The following COL25A1 variants were observed in gnomAD, a reference collection of about 807,000 sequenced individuals.
The protein encoded by COL25A1 is collagen alpha-1(XXV) chain.
A neutral mutation model predicts 128.4 loss-of-function variants in COL25A1; 103 were observed. The ratio of observed to expected loss-of-function variants is 0.80; its 90% confidence interval spans 0.68 to 0.94. The LOEUF is 0.94. Among genes scored for constraint, COL25A1 ranks in the 40% least tolerant of loss-of-function variants. COL25A1 has a pLI of 0.00. For missense variants in COL25A1, 745 were observed against 840.0 expected (o/e 0.89, Z 1.40); for synonymous variants, 279 against 277.2 (o/e 1.01, Z -0.06).
intron 3 of COL25A1, among the ~76,000 whole-genome samples, chr4:109,198,380 A>G (rs149048065): frequency 2.0e-5 from 3 of 152,190 alleles, no homozygotes; most frequent in African/African-American, 4.8e-5. Flanking sequence ...ACCGATGTTC[A>G]GAACACACTC....
At chr4:108,961,627 T>TTCTGTTCTGTTCTGTTC (rs1553984670) in intron 8 of COL25A1, among the ~76,000 whole-genome samples, 2 of 149,222 alleles carry the variant, frequency 1.3e-5, no homozygotes, top group Admixed American at 6.8e-5. Flanking sequence ...TTCTGTTCTG[T>TTCTGTTCTGTTCTGTTC]TGTTGTGTTG....
chr4:108,948,756 G>T (rs1015720051), intron 8 of COL25A1, among the ~76,000 whole-genome samples: 4 of 152,092 alleles, frequency 2.6e-5, no homozygotes, highest in African/African-American at 9.7e-5. Flanking sequence ...GGAAGAGAAA[G>T]AAAACAATGC....
At chr4:109,212,418 G>T (rs1485052968) in intron 3 of COL25A1, among the ~76,000 whole-genome samples, 1 of 152,136 alleles carries the variant, frequency 6.6e-6, no homozygotes, top group Non-Finnish European at 1.5e-5. Context: ...TAGAGGCTGA[G>T]TTCCAAAAGG....
In COL25A1 at chr4:109,054,979, G is replaced by A. The variant is rs182962647; in HGVS notation, c.368-4800C>T. Among the ~76,000 whole-genome samples, 4 of 152,276 alleles carry A rather than the reference G, an allele frequency of 2.6e-5. No individual in the cohort carries two copies. In the East Asian group the frequency reaches 5.8e-4, roughly 22 times the overall value. On this transcript the variant is annotated intron_variant, in intron 3 of 37. Coordinates refer to ENST00000399132, the MANE Select transcript of COL25A1 (RefSeq NM_198721.4). ...AGGGAGACAGCGGATCATCCTTTCT[G>A]AACCAACCTCCCCCATCCTCCAGCT...
intron 3 of COL25A1, among the ~76,000 whole-genome samples, chr4:109,210,237 T>C (rs534735993): frequency 1.3e-5 from 2 of 152,230 alleles, no homozygotes; most frequent in South Asian, 2.1e-4. Context: ...AATTGCAATA[T>C]GGTTGTCAAA....
intron 30 of COL25A1, among the ~76,000 whole-genome samples, chr4:108,842,480 C>T (rs1734561959): frequency 6.6e-6 from 1 of 152,114 alleles, no homozygotes; most frequent in Non-Finnish European, 1.5e-5. Flanking sequence ...TGCTGTAAAC[C>T]TTTCAAGTGA....
chr4:109,019,179 C>G (rs1757470342), intron 5 of COL25A1, among the ~76,000 whole-genome samples: 1 of 151,826 alleles, frequency 6.6e-6, no homozygotes, highest in Admixed American at 6.6e-5. Flanking sequence ...AGAGACCGGC[C>G]TAGCCTCCTG....
chr4:108,859,588 G>T, intron 24 of COL25A1, 68 bp downstream of exon 24: 2 of 1,334,186 alleles, frequency 1.5e-6, no homozygotes, highest in Non-Finnish European at 2.1e-6. Flanking sequence ...GCTCATATTT[G>T]CACACATTAC....
intron 3 of COL25A1, among the ~76,000 whole-genome samples, chr4:109,176,490 G>A (rs1040263964): frequency 1.3e-5 from 2 of 152,048 alleles, no homozygotes; most frequent in Non-Finnish European, 2.9e-5. Flanking sequence ...AACTAGAAAG[G>A]GTCAGCAAAT....
At chr4:109,201,240 T>C (rs1209852471) in intron 3 of COL25A1, among the ~76,000 whole-genome samples, 1 of 152,294 alleles carries the variant, frequency 6.6e-6, no homozygotes, top group East Asian at 1.9e-4. Flanking sequence ...TGATAAAGAA[T>C]AGAGTTTAAT....
chr4:109,285,691 AT>A (rs1322342318), intron 3 of COL25A1, among the ~76,000 whole-genome samples: 2 of 152,342 alleles, frequency 1.3e-5, no homozygotes, highest in Non-Finnish European at 2.9e-5. Flanking sequence ...ATTAAAACAA[AT>A]TTTATAAACT....
chr4:109,231,799 G>C (rs1779182042), intron 3 of COL25A1, among the ~76,000 whole-genome samples: 1 of 152,152 alleles, frequency 6.6e-6, no homozygotes, highest in Non-Finnish European at 1.5e-5. Context: ...TCGGCACTCT[G>C]TTACTAAATA....
At chr4:109,176,967 G>A (rs543951581) in intron 3 of COL25A1, among the ~76,000 whole-genome samples, 12 of 152,282 alleles carry the variant, frequency 7.9e-5, no homozygotes, top group African/African-American at 2.9e-4. Context: ...CTGGCCTCCA[G>A]AATTGTGAAA....
At chr4:108,865,125 A>G (rs1737731302) in intron 20 of COL25A1, among the ~76,000 whole-genome samples, 2 of 152,202 alleles carry the variant, frequency 1.3e-5, no homozygotes, top group Admixed American at 6.5e-5. Flanking sequence ...AACACAGAGT[A>G]AAGAGTGTCT....
chr4:108,937,698 A>G, intron 11 of COL25A1, 110 bp downstream of exon 11: 1 of 881,580 alleles, frequency 1.1e-6, no homozygotes, highest in Non-Finnish European at 1.7e-6. Context: ...ACTAATTTTC[A>G]CTTTTTTATT....
chr4:109,233,948 G>A (rs757648872), intron 3 of COL25A1, among the ~76,000 whole-genome samples: 1 of 152,062 alleles, frequency 6.6e-6, no homozygotes, highest in Non-Finnish European at 1.5e-5. Flanking sequence ...TCCACAACTT[G>A]AGCAACAGAA....
intron 3 of COL25A1, among the ~76,000 whole-genome samples, chr4:109,080,083 C>T (rs1232886666): frequency 2.0e-5 from 3 of 152,064 alleles, no homozygotes; most frequent in Admixed American, 2.0e-4. Context: ...ATTACCCCCA[C>T]CACACACCAC....
Position 109,000,754 on chromosome 4 carries a change from AAAAAAAAAAAAAAAG to A in COL25A1, c.438+9589_438+9603del, listed in dbSNP as rs1401034874. ...GAGTGAGACTCTGTCAAAAAAAAAA[AAAAAAAAAAAAAAAG>A]AAAAAACTATACACATAACACTTTG... is the stretch of plus-strand genomic sequence containing the variant. On this transcript the variant is annotated intron_variant, in intron 6 of 37. Coordinates refer to ENST00000399132, the MANE Select transcript of COL25A1 (RefSeq NM_198721.4). Among the ~76,000 whole-genome samples, 58 of 142,212 alleles carry A rather than the reference AAAAAAAAAAAAAAAG, an allele frequency of 4.1e-4. No individual in the cohort carries two copies. The East Asian group carries it at 0.011, about 26-fold the overall frequency. The allele number at this position is 142,212 out of a possible 152,430, so 93.3% of individuals were successfully genotyped here. A position where few individuals can be genotyped will look rare whatever the true frequency, so the allele number is the denominator to read the frequency against.
At chr4:109,211,375 A>G (rs1777547684) in intron 3 of COL25A1, among the ~76,000 whole-genome samples, 1 of 148,124 alleles carries the variant, frequency 6.8e-6, no homozygotes, top group South Asian at 2.2e-4. Context: ...CCTCCCAGTT[A>G]GGAAGGGCAA....
Sources: allele counts gnomAD v4.1 joint callset (sites outside exome capture counted in the v4.1 genomes callset), GRCh38; gene constraint gnomAD v4.1.1; transcripts MANE v1.5; gene names NCBI Gene and HGNC (gene_info 2026-07-23, HGNC 2026-07-21).